CSMD1: variants seen among roughly 807,000 people sequenced by gnomAD.
The protein encoded by CSMD1 is CUB and Sushi multiple domains 1, also known as CUB and sushi domain-containing protein 1.
Under a neutral mutation model 417.5 loss-of-function variants are expected in CSMD1, and 213 were observed. The observed-to-expected ratio is 0.51, with a 90% confidence interval of 0.46 to 0.57. CSMD1 has a LOEUF of 0.57. CSMD1 is among the 20% of genes least tolerant of loss of function. The probability of loss-of-function intolerance (pLI) is 0.00; values close to 1 mark genes in which losing one functional copy is unlikely to be tolerated. For synonymous variants in CSMD1, 2,862 were observed against 1,736.8 expected (o/e 1.65, Z -16.11); for missense variants, 6,923 against 4,529.7 (o/e 1.53, Z -15.17).
intron 9 of CSMD1, among the ~76,000 whole-genome samples, chr8:3,580,388 G>C (rs896988628): frequency 6.6e-6 from 1 of 152,112 alleles, no homozygotes; most frequent in Non-Finnish European, 1.5e-5. Flanking sequence ...ACAGTCACAG[G>C]GATACCTGGG....
chr8:4,497,863 C>A (rs1017954572), intron 2 of CSMD1, among the ~76,000 whole-genome samples: 1 of 152,122 alleles, frequency 6.6e-6, no homozygotes, highest in East Asian at 1.9e-4. Flanking sequence ...TTGGTGCAGT[C>A]GTAGAAATGC....
intron 2 of CSMD1, among the ~76,000 whole-genome samples, chr8:4,583,214 G>C (rs1057018257): frequency 3.9e-5 from 6 of 152,216 alleles, no homozygotes; most frequent in Non-Finnish European, 8.8e-5. Flanking sequence ...AGGAATGCGG[G>C]CACACGGCAC....
At chr8:4,462,476 C>T (rs998409502) in intron 2 of CSMD1, among the ~76,000 whole-genome samples, 5 of 151,964 alleles carry the variant, frequency 3.3e-5, no homozygotes, top group East Asian at 1.9e-4. Flanking sequence ...GGCTTATTTG[C>T]GTACATTAAC....
At chr8:3,815,453 G>C (rs147368275) in intron 5 of CSMD1, among the ~76,000 whole-genome samples, 2,488 of 152,192 alleles carry the variant, frequency 0.016, 31 homozygotes, top group South Asian at 0.044. Context: ...TATTGTGCCA[G>C]TCCCTCAGGT....
intron 5 of CSMD1, among the ~76,000 whole-genome samples, chr8:3,842,747 A>G (rs757739231): frequency 4.2e-4 from 64 of 151,608 alleles, no homozygotes; most frequent in Non-Finnish European, 8.0e-4. Context: ...TGGGAAACAG[A>G]AAAAAAAAGA....
At chr8:3,754,129 T>G (rs1276425177) in intron 5 of CSMD1, 87 bp from the exon 6 acceptor site, 19 of 769,158 alleles carry the variant, frequency 2.5e-5, no homozygotes, top group Non-Finnish European at 3.5e-5. Flanking sequence ...ATCCGATTAC[T>G]TAAATCCTTC....
At chr8:4,356,621 T>A (rs1442478615) in intron 3 of CSMD1, among the ~76,000 whole-genome samples, 1 of 152,204 alleles carries the variant, frequency 6.6e-6, no homozygotes, top group Non-Finnish European at 1.5e-5. Flanking sequence ...GTTTTCACTG[T>A]GTCTGCTTTA....
At chr8:3,911,749 A>T (rs1808482017) in intron 5 of CSMD1, among the ~76,000 whole-genome samples, 1 of 152,098 alleles carries the variant, frequency 6.6e-6, no homozygotes, top group African/African-American at 2.4e-5. Flanking sequence ...AGACTTTTCC[A>T]TCAGAAATCT....
chr8:4,962,219 A>G (rs1043438481), intron 1 of CSMD1, among the ~76,000 whole-genome samples: 1 of 136,458 alleles, frequency 7.3e-6, no homozygotes, highest in African/African-American at 3.2e-5. Flanking sequence ...AAAAAAACAA[A>G]TATTTGTTGG....
intron 5 of CSMD1, among the ~76,000 whole-genome samples, chr8:3,985,153 G>T (rs975631165): frequency 3.9e-5 from 6 of 152,092 alleles, no homozygotes; most frequent in African/African-American, 1.4e-4. Context: ...GGGTGTGATG[G>T]ATGCCAGCTG....
At chr8:3,569,428 A>T (rs1310631437) in intron 10 of CSMD1, among the ~76,000 whole-genome samples, 2 of 152,212 alleles carry the variant, frequency 1.3e-5, no homozygotes, top group African/African-American at 4.8e-5. Flanking sequence ...AAGAGTATGA[A>T]TCAAGAGAGG....
chr8:4,342,388 A>C (rs1800529677), intron 3 of CSMD1, among the ~76,000 whole-genome samples: 1 of 152,078 alleles, frequency 6.6e-6, no homozygotes, highest in Admixed American at 6.6e-5. Context: ...TGTTTATTAT[A>C]GTATAAATGT....
intron 1 of CSMD1, among the ~76,000 whole-genome samples, chr8:4,815,352 C>A (rs1262085626): frequency 6.6e-6 from 1 of 152,146 alleles, no homozygotes; most frequent in South Asian, 2.1e-4. Flanking sequence ...CCACTGTGGA[C>A]AGAGCCAGCT....
intron 23 of CSMD1, among the ~76,000 whole-genome samples, chr8:3,331,027 G>T (rs1563279662): frequency 6.6e-6 from 1 of 152,004 alleles, no homozygotes; most frequent in Admixed American, 6.5e-5. Context: ...GAGGCGGGCG[G>T]ATCACCAGGT....
chr8:4,574,919 T>C (rs1279132257), intron 2 of CSMD1, among the ~76,000 whole-genome samples: 1 of 152,250 alleles, frequency 6.6e-6, no homozygotes, highest in African/African-American at 2.4e-5. Context: ...CATATAATTT[T>C]GTTTTAATAT....
At chr8:4,250,492 G>T (rs752626981) in intron 3 of CSMD1, among the ~76,000 whole-genome samples, 22 of 152,156 alleles carry the variant, frequency 1.4e-4, no homozygotes, top group Non-Finnish European at 2.8e-4. Flanking sequence ...TCTGAGTGGT[G>T]TAATGACTCT....
intron 2 of CSMD1, among the ~76,000 whole-genome samples, chr8:4,454,238 C>T (rs1269016042): frequency 6.6e-6 from 1 of 152,154 alleles, no homozygotes; most frequent in East Asian, 1.9e-4. Flanking sequence ...CCGCCACCCT[C>T]CTTACAGTGC....
chr8:3,467,680 T>C (rs4875231), intron 12 of CSMD1, among the ~76,000 whole-genome samples: 4,113 of 152,296 alleles, frequency 0.027, 158 homozygotes, highest in East Asian at 0.19. Context: ...CCCTTTAATA[T>C]TGTGACCCTT....
intron 3 of CSMD1, among the ~76,000 whole-genome samples, chr8:4,143,370 C>CT (rs1803910892): frequency 2.4e-5 from 1 of 40,914 alleles, no homozygotes; most frequent in African/African-American, 6.9e-5. Context: ...ACGTCTTATC[C>CT]CTTTTTTTTT....
Sources: gnomAD v4.1 joint callset for allele counts (sites outside exome capture counted in the v4.1 genomes callset) on GRCh38, gnomAD v4.1.1 for gene constraint, MANE v1.5 for transcripts, NCBI Gene and HGNC (gene_info 2026-07-23, HGNC 2026-07-21) for gene names.